The following KLHL32 variants were observed in gnomAD, a reference collection of about 807,000 sequenced individuals.
KLHL32 encodes the protein kelch like family member 32, also known as kelch-like protein 32.
Under a neutral mutation model 64.8 loss-of-function variants are expected in KLHL32, and 35 were observed. The observed-to-expected ratio is 0.54, with a 90% confidence interval of 0.41 to 0.72. KLHL32 has a LOEUF of 0.72. Among genes scored for constraint, KLHL32 ranks in the 30% least tolerant of loss-of-function variants. The pLI, the probability that KLHL32 is intolerant of heterozygous loss-of-function variation, is 0.00. For missense variants in KLHL32, 589 were observed against 768.5 expected (o/e 0.77, Z 2.76); for synonymous variants, 259 against 281.0 (o/e 0.92, Z 0.78).
chr6:97,083,537 A>G (rs983327976), intron 5 of KLHL32, among the ~76,000 whole-genome samples: 2 of 152,194 alleles, frequency 1.3e-5, no homozygotes, highest in Non-Finnish European at 2.9e-5. Context: ...GGTTGCCTCC[A>G]GGTGCCTGTG....
chr6:97,089,956 C>G (rs895449649), intron 6 of KLHL32, among the ~76,000 whole-genome samples: 5 of 152,028 alleles, frequency 3.3e-5, no homozygotes, highest in Admixed American at 3.3e-4. Context: ...GGGAGGGTTT[C>G]CTTTATTCTA....
chr6:96,966,881 G>A (rs1774512276), intron 1 of KLHL32, 115 bp from the exon 2 acceptor site: 1 of 576,126 alleles, frequency 1.7e-6, no homozygotes, highest in Non-Finnish European at 3.2e-6. Context: ...TATGTGGACA[G>A]TAAAGCTCTC....
chr6:97,035,804 G>A (rs1044708732), intron 3 of KLHL32, among the ~76,000 whole-genome samples: 2 of 151,918 alleles, frequency 1.3e-5, no homozygotes, highest in African/African-American at 2.4e-5. Context: ...ATGTATCCTG[G>A]TGCAGATCTC....
chr6:96,927,255 G>A (rs1330227191), intron 1 of KLHL32, among the ~76,000 whole-genome samples: 1 of 152,156 alleles, frequency 6.6e-6, no homozygotes, highest in African/African-American at 2.4e-5. Context: ...ACTCAGTTGA[G>A]TGCTTGTTAT....
Position 96,928,377 on chromosome 6 carries a change from C to T in KLHL32, c.-66+3351C>T, listed in dbSNP as rs76808115. Among the ~76,000 whole-genome samples the T allele has an allele frequency of 3.6e-4, 55 of 152,112 alleles. No homozygotes were observed. The East Asian group carries it at 8.9e-3, about 25-fold the overall frequency. On this transcript the variant is annotated intron_variant, in intron 1 of 10. Coordinates refer to ENST00000369261, the MANE Select transcript of KLHL32 (RefSeq NM_052904.4). The stretch of plus-strand genomic sequence containing the variant: ...TATTGATGAGCTTACTGTAGCTGAG[C>T]GAGTGATGAAAGCTGTGGAAGAACT...
chr6:97,032,733 CAT>C (rs1357255339), intron 3 of KLHL32, among the ~76,000 whole-genome samples: 1 of 152,126 alleles, frequency 6.6e-6, no homozygotes, highest in Non-Finnish European at 1.5e-5. Flanking sequence ...CTTAACCACT[CAT>C]GTAATAAAAA....
chr6:97,100,038 A>G (rs1305577442), intron 6 of KLHL32, among the ~76,000 whole-genome samples: 1 of 152,080 alleles, frequency 6.6e-6, no homozygotes, highest in Admixed American at 6.5e-5. Context: ...CCAGCTACTC[A>G]GGCTGAGGTA....
intron 5 of KLHL32, among the ~76,000 whole-genome samples, chr6:97,066,108 A>G (rs574693649): frequency 2.0e-5 from 3 of 152,350 alleles, no homozygotes; most frequent in East Asian, 3.9e-4. Flanking sequence ...ATAAGACTTC[A>G]AAAGTGTGTG....
chr6:97,062,729 A>G (rs1789114855), intron 4 of KLHL32, among the ~76,000 whole-genome samples: 1 of 152,244 alleles, frequency 6.6e-6, no homozygotes, highest in African/African-American at 2.4e-5. Context: ...GATACAAAAT[A>G]GACTAAGTCC....
chr6:96,994,472 G>C (rs4839890), intron 3 of KLHL32: 151,064 of 982,172 alleles, frequency 0.15, 15,136 homozygotes, highest in East Asian at 0.53. Context: ...TTGGTATAAA[G>C]TAGATTTTTG....
chr6:96,981,678 A>G (rs1047223614), intron 3 of KLHL32, among the ~76,000 whole-genome samples: 2 of 152,040 alleles, frequency 1.3e-5, no homozygotes, highest in Admixed American at 6.6e-5. Flanking sequence ...ACTTTTTGAT[A>G]TGGGCATTTA....
chr6:97,039,286 A>G (rs1255099649), intron 3 of KLHL32, among the ~76,000 whole-genome samples: 13 of 152,150 alleles, frequency 8.5e-5, no homozygotes, highest in Admixed American at 8.5e-4. Context: ...GCCTAGCACA[A>G]AAAGACAAAT....
intron 6 of KLHL32, among the ~76,000 whole-genome samples, 177 bp from the exon 7 acceptor site, chr6:97,113,606 G>T (rs932943468): frequency 1.3e-5 from 2 of 152,110 alleles, no homozygotes; most frequent in Non-Finnish European, 2.9e-5. Context: ...TTGTGTCTTT[G>T]CTGAGACGGA....
intron 7 of KLHL32, among the ~76,000 whole-genome samples, chr6:97,118,213 A>G (rs2128213857): frequency 1.3e-5 from 2 of 152,360 alleles, no homozygotes; most frequent in Middle Eastern, 6.8e-3. Flanking sequence ...CAAAGCTACT[A>G]ACAGGACTTG....
At chr6:96,974,439 T>A (rs567508908) in intron 2 of KLHL32, among the ~76,000 whole-genome samples, 12 of 152,286 alleles carry the variant, frequency 7.9e-5, no homozygotes, top group South Asian at 4.1e-4. Context: ...CTGAATGTGG[T>A]TTTTAATTAC....
intron 7 of KLHL32, among the ~76,000 whole-genome samples, chr6:97,119,199 G>A (rs1052259185): frequency 6.6e-6 from 1 of 152,128 alleles, no homozygotes; most frequent in African/African-American, 2.4e-5. Flanking sequence ...GGCTTGGTAT[G>A]GGTATATTCT....
chr6:97,081,054 A>G (rs1024346822), intron 5 of KLHL32, among the ~76,000 whole-genome samples: 6 of 152,206 alleles, frequency 3.9e-5, no homozygotes, highest in African/African-American at 1.4e-4. Flanking sequence ...CCAACAGATC[A>G]GGAGACAATT....
intron 4 of KLHL32, among the ~76,000 whole-genome samples, chr6:97,045,760 A>T (rs1310209984): frequency 2.0e-5 from 3 of 152,210 alleles, no homozygotes; most frequent in Non-Finnish European, 4.4e-5. Flanking sequence ...AATTCCTGTC[A>T]CACAAAGGAT....
intron 4 of KLHL32, among the ~76,000 whole-genome samples, chr6:97,056,262 C>A (rs981749933): frequency 2.0e-5 from 3 of 152,010 alleles, no homozygotes; most frequent in South Asian, 4.2e-4. Flanking sequence ...CCCGCCACCA[C>A]GCCCGGCTAA....
Sources: allele counts gnomAD v4.1 joint callset (sites outside exome capture counted in the v4.1 genomes callset), GRCh38; gene constraint gnomAD v4.1.1; transcripts MANE v1.5; gene names NCBI Gene and HGNC (gene_info 2026-07-23, HGNC 2026-07-21).